Variants in FER observed in about 807,000 individuals in gnomAD.
FER encodes FER tyrosine kinase, also known as tyrosine-protein kinase Fer.
FER carries 63 observed loss-of-function variants against 111.0 expected under a neutral mutation model. That is an observed-to-expected ratio of 0.57 (90% CI 0.46 to 0.70). The LOEUF (loss-of-function observed/expected upper bound fraction) is 0.70. FER is among the 30% of genes least tolerant of loss of function. The pLI, the probability that FER is intolerant of heterozygous loss-of-function variation, is 0.00. For synonymous variants in FER, 327 were observed against 313.9 expected (o/e 1.04, Z -0.44); for missense variants, 914 against 954.0 (o/e 0.96, Z 0.55).
At chr5:108,829,216 C>A (rs1202691306) in intron 3 of FER, among the ~76,000 whole-genome samples, 1 of 152,134 alleles carries the variant, frequency 6.6e-6, no homozygotes, top group African/African-American at 2.4e-5. Context: ...TTCAACCATT[C>A]CTTTTAGGTC....
intron 13 of FER, among the ~76,000 whole-genome samples, chr5:108,968,986 C>T (rs1456988876): frequency 6.6e-6 from 1 of 151,800 alleles, no homozygotes; most frequent in Non-Finnish European, 1.5e-5. Context: ...TATTTATTCA[C>T]CTATTAGATT....
intron 2 of FER, among the ~76,000 whole-genome samples, chr5:108,770,112 C>T (rs1752735240): frequency 6.6e-6 from 1 of 152,150 alleles, no homozygotes; most frequent in Non-Finnish European, 1.5e-5. Context: ...CCATGCCCGG[C>T]TAATTTCGTA....
At chr5:108,836,017 C>T (rs1426185148) in intron 5 of FER, 5 of 282,254 alleles carry the variant, frequency 1.8e-5, no homozygotes, top group Admixed American at 5.3e-5. Flanking sequence ...TCGAATAGTT[C>T]ATACTAAATG....
chr5:109,022,082 T>C (rs538397180), intron 13 of FER, among the ~76,000 whole-genome samples: 2 of 152,224 alleles, frequency 1.3e-5, no homozygotes, highest in South Asian at 4.1e-4. Context: ...AGTTACACCC[T>C]CCCTACAGTT....
chr5:109,027,058 C>G (rs1449648799), intron 13 of FER, among the ~76,000 whole-genome samples: 1 of 152,150 alleles, frequency 6.6e-6, no homozygotes. Flanking sequence ...TTTAGAAATT[C>G]ATCTGCTACA....
chr5:108,820,443 A>G (rs923569683), intron 3 of FER: 7 of 985,358 alleles, frequency 7.1e-6, no homozygotes, highest in African/African-American at 1.7e-5. Context: ...AAAGAAGAAC[A>G]AGAAAGGTGG....
At chr5:108,914,954 T>A (rs1420219092) in intron 10 of FER, among the ~76,000 whole-genome samples, 1 of 152,188 alleles carries the variant, frequency 6.6e-6, no homozygotes, top group African/African-American at 2.4e-5. Flanking sequence ...TGGTGGTGGC[T>A]ACAGGGTTTA....
intron 13 of FER, among the ~76,000 whole-genome samples, chr5:108,996,952 T>C (rs760714353): frequency 5.3e-5 from 8 of 152,210 alleles, no homozygotes; most frequent in Non-Finnish European, 1.0e-4. Context: ...CAGTGGTTTG[T>C]AGTTCTCCTT....
intron 5 of FER, among the ~76,000 whole-genome samples, chr5:108,845,015 TATATATATATATATATATATATATAC>T (rs1242132534): frequency 0.013 from 700 of 52,482 alleles, 5 homozygotes; most frequent in Non-Finnish European, 0.018. Flanking sequence ...TATATATATA[TATATATATATATATATATATATATAC>T]ATATATATAT....
At chr5:109,052,456 A>G in intron 16 of FER, 3 of 1,193,818 alleles carry the variant, frequency 2.5e-6, no homozygotes, top group South Asian at 2.5e-5. Context: ...CCAGTCACGC[A>G]TGTTGCCTGG....
At chr5:108,788,359 C>T (rs1489678661) in intron 2 of FER, among the ~76,000 whole-genome samples, 5 of 152,110 alleles carry the variant, frequency 3.3e-5, no homozygotes, top group Non-Finnish European at 1.5e-5. Context: ...CCACTCCTGG[C>T]TCACCCTTGG....
chr5:109,182,581 GCACTAAGGAAGCTGTAA>G lies in FER; in HGVS notation c.2203+1682_2203+1698del, dbSNP rs538731052. 1.1e-4 allele frequency among the ~76,000 whole-genome samples: 17 copies of G among 152,230 alleles called. No homozygotes were observed. In the East Asian group the frequency reaches 3.3e-3, roughly 29 times the overall value. On this transcript the variant is annotated intron_variant, in intron 18 of 19. Transcript: ENST00000281092. ...TTGTTAGATGACAAAACATTTTCAA[GCACTAAGGAAGCTGTAA>G]CTGGGCTTGGGAGTCCTTGAATTTG...
At chr5:108,766,535 T>C (rs553715611) in intron 1 of FER, among the ~76,000 whole-genome samples, 1 of 152,358 alleles carries the variant, frequency 6.6e-6, no homozygotes, top group African/African-American at 2.4e-5. Flanking sequence ...ATTCTAGCTT[T>C]AGGAGCTTTG....
At chr5:108,990,943 T>C (rs1301582464) in intron 13 of FER, among the ~76,000 whole-genome samples, 3 of 151,792 alleles carry the variant, frequency 2.0e-5, no homozygotes, top group African/African-American at 4.8e-5. Context: ...ACATAACTTA[T>C]GAAGCAAGAA....
intron 13 of FER, among the ~76,000 whole-genome samples, chr5:108,980,721 T>C (rs17161574): frequency 0.068 from 10,347 of 152,156 alleles, 851 homozygotes; most frequent in African/African-American, 0.19. Context: ...CAAACACCCT[T>C]CAGAAGACTG....
intron 17 of FER, among the ~76,000 whole-genome samples, chr5:109,160,812 A>G (rs1755907654): frequency 6.6e-6 from 1 of 152,158 alleles, no homozygotes; most frequent in Admixed American, 6.6e-5. Flanking sequence ...GCTGTATAAA[A>G]ACACCTAGAG....
intron 17 of FER, among the ~76,000 whole-genome samples, chr5:109,126,167 C>G (rs1257633606): frequency 6.6e-6 from 1 of 152,186 alleles, no homozygotes; most frequent in African/African-American, 2.4e-5. Flanking sequence ...AAAAAAGACG[C>G]TAAACATTCA....
At chr5:109,003,181 A>G (rs1182720956) in intron 13 of FER, among the ~76,000 whole-genome samples, 16 of 152,320 alleles carry the variant, frequency 1.1e-4, no homozygotes, top group East Asian at 3.9e-4. Context: ...TGTTTATTGA[A>G]GCACTATTCA....
intron 5 of FER, among the ~76,000 whole-genome samples, chr5:108,838,341 A>T (rs1760886791): frequency 6.6e-6 from 1 of 152,188 alleles, no homozygotes; most frequent in South Asian, 2.1e-4. Flanking sequence ...TTTGTCTGGC[A>T]TCCAGAGTCA....
Sources: allele counts gnomAD v4.1 joint callset (sites outside exome capture counted in the v4.1 genomes callset), GRCh38; gene constraint gnomAD v4.1.1; transcripts MANE v1.5; gene names NCBI Gene and HGNC (gene_info 2026-07-23, HGNC 2026-07-21).